Variants in GABRB2 observed in about 807,000 individuals in gnomAD.
GABRB2 encodes gamma-aminobutyric acid type A receptor subunit beta2.
GABRB2 carries 16 observed loss-of-function variants against 54.7 expected under a neutral mutation model. That is an observed-to-expected ratio of 0.29 (90% CI 0.20 to 0.44). The LOEUF (loss-of-function observed/expected upper bound fraction) is 0.44. Among genes scored for constraint, GABRB2 ranks in the 20% least tolerant of loss-of-function variants. The pLI is 1.00. For synonymous variants in GABRB2, 244 were observed against 233.8 expected (o/e 1.04, Z -0.40); for missense variants, 355 against 644.0 (o/e 0.55, Z 4.86).
At chr5:161,540,999 C>G (rs902938860) in intron 3 of GABRB2, among the ~76,000 whole-genome samples, 8 of 152,054 alleles carry the variant, frequency 5.3e-5, no homozygotes, top group Non-Finnish European at 7.4e-5. Context: ...GCACATGCCA[C>G]CATGCCTAGC....
Position 161,335,180 on chromosome 5 carries a change from T to C in GABRB2, c.680-276A>G, listed in dbSNP as rs902058004. Among the ~76,000 whole-genome samples the C allele has an allele frequency of 3.5e-4, 53 of 152,256 alleles. 1 individual carries two copies. The highest frequency in any genetic ancestry group is 3.4e-3 in the Middle Eastern group (1 of 294). On this transcript the variant is annotated intron_variant, in intron 6 of 9. Coordinates refer to ENST00000393959, the MANE Select transcript of GABRB2 (RefSeq NM_001371727.1). ...ATCAAACATACCCCTCCTCTGTAAT[T>C]GTTAGGACAATTTGGGACAGTTCTT...
Position 161,530,093 on chromosome 5 carries a change from C to G in GABRB2, c.237+15134G>C, listed in dbSNP as rs150958960. 2.4e-3 allele frequency among the ~76,000 whole-genome samples: 363 copies of G among 152,114 alleles called. 1 individual carries two copies. The highest frequency in any genetic ancestry group is 8.6e-3 in the African/African-American group (355 of 41,520). On this transcript the variant is annotated intron_variant, in intron 3 of 9. Transcript: ENST00000393959. The stretch of plus-strand genomic sequence containing the variant: ...CCTTAAAGTCCAACAGCATAAGTAG[C>G]GTTTGATTGAATTGGGTTTTAGTCT...
intron 3 of GABRB2, among the ~76,000 whole-genome samples, chr5:161,530,117 C>G (rs992794996): frequency 6.6e-6 from 1 of 152,030 alleles, no homozygotes; most frequent in Admixed American, 6.6e-5. Flanking sequence ...GGGTTTTAGT[C>G]TCACCTCGAG....
chr5:161,308,539 G>A (rs1017324961), intron 9 of GABRB2, among the ~76,000 whole-genome samples: 2 of 152,062 alleles, frequency 1.3e-5, no homozygotes, highest in African/African-American at 4.8e-5. Flanking sequence ...TACCAAAAAG[G>A]AGCCCAAATA....
In GABRB2 at chr5:161,288,526, T is replaced by C. The variant is rs900765264; in HGVS notation, c.*5555A>G. 3.9e-5 allele frequency: 6 copies of C among 152,626 alleles called. No homozygotes were observed. The highest frequency in any genetic ancestry group is 1.4e-4 in the African/African-American group (6 of 41,442). 9.5% of individuals were successfully genotyped at this position (152,626 alleles called of 1,614,324 possible). On this transcript the variant is annotated 3_prime_UTR_variant, in exon 10 of 10. Coordinates refer to ENST00000393959, the MANE Select transcript of GABRB2 (RefSeq NM_001371727.1). ...CATGCTGAAACTGGCTGCAATAAGT[T>C]TAAATTCAAGAAAATAATTCTTATG...
intron 5 of GABRB2, among the ~76,000 whole-genome samples, chr5:161,395,834 C>A (rs1755979725): frequency 6.6e-6 from 1 of 152,058 alleles, no homozygotes; most frequent in Non-Finnish European, 1.5e-5. Context: ...CTGCCCACTC[C>A]AGCCCTTATA....
intron 4 of GABRB2, among the ~76,000 whole-genome samples, chr5:161,444,581 G>A (rs540033449): frequency 3.3e-5 from 5 of 152,090 alleles, no homozygotes; most frequent in South Asian, 2.1e-4. Context: ...TTTTAACACG[G>A]TCAACTCATA....
At chr5:161,306,736 G>A (rs1349811289) in intron 9 of GABRB2, among the ~76,000 whole-genome samples, 1 of 151,986 alleles carries the variant, frequency 6.6e-6, no homozygotes, top group Non-Finnish European at 1.5e-5. Context: ...TGAATCCTGT[G>A]AGAAAAAGTT....
In GABRB2 at chr5:161,369,939, T is replaced by C. The variant is rs959103622; in HGVS notation, c.542-33170A>G. Among the ~76,000 whole-genome samples the C allele has an allele frequency of 2.6e-5, 4 of 152,084 alleles. No individual in the cohort carries two copies. In the South Asian group the frequency reaches 8.3e-4, roughly 32 times the overall value. The stretch of plus-strand genomic sequence containing the variant: ...TTCAGACCTTTTATTTCAAAATAAA[T>C]TAAATTGTCTCTGCTTGCCAGGCTC... On this transcript the variant is annotated intron_variant, in intron 5 of 9. Transcript: ENST00000393959.
chr5:161,511,297 A>G (rs997113831), intron 3 of GABRB2, among the ~76,000 whole-genome samples: 25 of 152,066 alleles, frequency 1.6e-4, no homozygotes, highest in African/African-American at 6.0e-4. Flanking sequence ...CTAAAAGTTG[A>G]CCTTTAAATT....
chr5:161,316,612 T>A (rs530837621), intron 9 of GABRB2, among the ~76,000 whole-genome samples: 20 of 152,304 alleles, frequency 1.3e-4, no homozygotes, highest in African/African-American at 3.8e-4. Context: ...TCATTCATTC[T>A]TTCTTTCTTT....
In GABRB2 at chr5:161,493,997, T is replaced by C. The variant is rs374655875; in HGVS notation, c.238-34153A>G. Among the ~76,000 whole-genome samples the C allele has an allele frequency of 2.4e-4, 36 of 151,932 alleles. 2 individuals are homozygous for C. In the South Asian group the frequency reaches 3.5e-3, roughly 15 times the overall value. ...TCCACAATGTGTACATATTCCACAA[T>C]GTATACATATTTTGCAACAAATACA... is the stretch of plus-strand genomic sequence containing the variant. On this transcript the variant is annotated intron_variant, in intron 3 of 9. Coordinates refer to ENST00000393959, the MANE Select transcript of GABRB2 (RefSeq NM_001371727.1).
chr5:161,364,567 T>C (rs1009766236), intron 5 of GABRB2, among the ~76,000 whole-genome samples: 2 of 152,206 alleles, frequency 1.3e-5, no homozygotes, highest in Admixed American at 1.3e-4. Context: ...GATCTTAAAA[T>C]GTCTCTACTC....
intron 3 of GABRB2, among the ~76,000 whole-genome samples, chr5:161,471,753 T>A (rs1181089753): frequency 6.6e-6 from 1 of 152,028 alleles, no homozygotes; most frequent in East Asian, 1.9e-4. Context: ...GAGGACTCAG[T>A]TCACCTTGAG....
chr5:161,356,780 G>A (rs1281811485), intron 5 of GABRB2, among the ~76,000 whole-genome samples: 1 of 152,174 alleles, frequency 6.6e-6, no homozygotes, highest in Non-Finnish European at 1.5e-5. Context: ...GGCACTCTTT[G>A]TTCCTGAAGC....
intron 3 of GABRB2, among the ~76,000 whole-genome samples, chr5:161,521,908 A>T (rs1367436294): frequency 6.6e-6 from 1 of 151,866 alleles, no homozygotes; most frequent in Non-Finnish European, 1.5e-5. Flanking sequence ...TTATTTTACA[A>T]TTTTTTAATA....
At chr5:161,344,496 A>G (rs114154909) in intron 5 of GABRB2, among the ~76,000 whole-genome samples, 5 of 152,070 alleles carry the variant, frequency 3.3e-5, no homozygotes, top group South Asian at 2.1e-4. Flanking sequence ...TTTATGCTAC[A>G]TATGCTGGTA....
At chr5:161,529,991 C>T (rs187033580) in intron 3 of GABRB2, among the ~76,000 whole-genome samples, 3 of 152,154 alleles carry the variant, frequency 2.0e-5, no homozygotes, top group African/African-American at 7.2e-5. Context: ...ACTGAATACA[C>T]ATTCCTTAAG....
At chr5:161,475,678 T>C (rs1404399182) in intron 3 of GABRB2, among the ~76,000 whole-genome samples, 5 of 151,966 alleles carry the variant, frequency 3.3e-5, no homozygotes, top group Non-Finnish European at 7.4e-5. Flanking sequence ...ATCAATGTAA[T>C]ACACTGCATT....
Sources: gnomAD v4.1 joint callset for allele counts (sites outside exome capture counted in the v4.1 genomes callset) on GRCh38, gnomAD v4.1.1 for gene constraint, MANE v1.5 for transcripts, NCBI Gene and HGNC (gene_info 2026-07-23, HGNC 2026-07-21) for gene names.